CYP3A7: variants seen among roughly 807,000 people sequenced by gnomAD.
CYP3A7 encodes the protein cytochrome P450 3A7.
CYP3A7 carries 45 observed loss-of-function variants against 55.2 expected under a neutral mutation model. That is an observed-to-expected ratio of 0.82 (90% CI 0.64 to 1.05). CYP3A7 has a LOEUF of 1.05. Ranked by LOEUF, CYP3A7 falls within the 50% of genes least tolerant of loss-of-function variation. The probability of loss-of-function intolerance (pLI) is 0.00; values close to 1 mark genes in which losing one functional copy is unlikely to be tolerated. For missense variants in CYP3A7, 548 were observed against 605.3 expected (o/e 0.91, Z 0.99); for synonymous variants, 180 against 207.4 (o/e 0.87, Z 1.13).
chr7:99,715,696 A>G (rs978598313), intron 7 of CYP3A7, 62 bp downstream of exon 7: 7 of 1,611,356 alleles, frequency 4.3e-6, no homozygotes, highest in Admixed American at 1.7e-5. Context: ...GGTGATTTAC[A>G]TCTCAATAAA....
At position 99,713,511 on chromosome 7, in the gene CYP3A7, T is replaced by A. The variant is rs575168337; in HGVS notation, c.823A>T (p.Met275Leu). 2 of 1,613,410 alleles carry A rather than the reference T, an allele frequency of 1.2e-6. No homozygotes were observed. Among genetic ancestry groups the A allele is most frequent in the Non-Finnish European group, 1.7e-6 (2 of 1,179,550 alleles). Residue 275 changes from methionine (M) to leucine (L), a missense_variant, in exon 9 of 13, where the codon ATG becomes TTG. By Grantham distance (15) the Met-to-Leu change is conservative. Transcript: ENST00000336374. ...TCTTTTGAATTCTGAGAGTCAATCA[T>A]CAGCTGAAGGAAATCCACTCGGTGC... Reference protein sequence around the residue: ...QKHRVDFLQLMIDSQNSKDSE... With the variant: ...QKHRVDFLQLLIDSQNSKDSE...
intron 10 of CYP3A7, among the ~76,000 whole-genome samples, chr7:99,709,674 C>A (rs1813669664): frequency 6.6e-6 from 1 of 152,134 alleles, no homozygotes; most frequent in South Asian, 2.1e-4. Context: ...AAAGCAAATT[C>A]TCTGTGCGAC....
At chr7:99,717,357 C>T (rs1311906762) in intron 5 of CYP3A7, 92 bp from the exon 6 acceptor site, 1 of 1,605,758 alleles carries the variant, frequency 6.2e-7, no homozygotes, top group Non-Finnish European at 8.5e-7. Flanking sequence ...CAATAAGTGA[C>T]ATTGTATAAT....
intron 3 of CYP3A7, among the ~76,000 whole-genome samples, chr7:99,721,618 T>G (rs967252752): frequency 6.6e-6 from 1 of 152,152 alleles, no homozygotes; most frequent in African/African-American, 2.4e-5. Flanking sequence ...ACCACAATGG[T>G]CTCAGCCTAG....
At position 99,719,495 on chromosome 7, in the gene CYP3A7, A is replaced by G. The variant is rs376614904; in HGVS notation, c.318+818T>C. ...AACACAAAATAGATAGTAGAGTTAC[A>G]TTTAGTAAAGCATTAAACTTTATGA... On this transcript the variant is annotated intron_variant, in intron 4 of 12. Transcript: ENST00000336374. Among the ~76,000 whole-genome samples, 881 of 152,344 alleles carry G rather than the reference A, an allele frequency of 5.8e-3. 7 individuals are homozygous for G. The highest frequency in any genetic ancestry group is 0.018 in the African/African-American group (765 of 41,586).
intron 2 of CYP3A7, among the ~76,000 whole-genome samples, chr7:99,726,237 T>G (rs1056149180): frequency 1.3e-5 from 2 of 152,142 alleles, no homozygotes; most frequent in Non-Finnish European, 2.9e-5. Context: ...CTAATCACCC[T>G]TACCCAGCTT....
rs541926137 is a variant in CYP3A7, at chr7:99,719,546, A to C, written c.318+767T>G. ...CTTTTAGAAAAATTGGCAATATAGG[A>C]AGGAGGGCTAGGCAAAGAACTTTCA... On this transcript the variant is annotated intron_variant, in intron 4 of 12. Coordinates refer to ENST00000336374, the MANE Select transcript of CYP3A7 (RefSeq NM_000765.5). Among the ~76,000 whole-genome samples, 3 of 152,316 alleles carry C rather than the reference A, an allele frequency of 2.0e-5. No individual in the cohort carries two copies. The South Asian group carries it at 6.2e-4, about 32-fold the overall frequency.
chr7:99,714,711 G>T, intron 7 of CYP3A7, 29 bp from the exon 8 acceptor site: 1 of 1,604,430 alleles, frequency 6.2e-7, no homozygotes. Flanking sequence ...AACAGAAAAC[G>T]AAACCATTGT....
chr7:99,710,255 T>A (rs1194588009), intron 10 of CYP3A7, among the ~76,000 whole-genome samples: 1 of 152,134 alleles, frequency 6.6e-6, no homozygotes, highest in Non-Finnish European at 1.5e-5. Flanking sequence ...AGCTCAGAAG[T>A]CAGATACCCT....
chr7:99,730,923 C>A lies in CYP3A7; in HGVS notation c.165+136G>T, dbSNP rs45559433. 6,043 of 1,203,440 alleles carry A rather than the reference C, an allele frequency of 5.0e-3. 214 individuals are homozygous for A. The African/African-American group carries it at 0.08, about 16-fold the overall frequency. The allele number at this position is 1,203,440 out of a possible 1,614,324, so 74.5% of individuals were successfully genotyped here. A position where few individuals can be genotyped will look rare whatever the true frequency, so the allele number is the denominator to read the frequency against. ...GCCCCAGGGTAAACTTTGCCACGCT[C>A]TGGGTGATGCCTACACGCTATTTCT... On this transcript the variant is annotated intron_variant, in intron 2 of 12. Transcript: ENST00000336374.
chr7:99,706,770 A>G (rs1362862692), intron 12 of CYP3A7, among the ~76,000 whole-genome samples: 1 of 152,262 alleles, frequency 6.6e-6, no homozygotes, highest in Non-Finnish European at 1.5e-5. Context: ...ACATTAAAAA[A>G]CTTAATATTT....
At chr7:99,730,019 C>A (rs1563028738) in intron 2 of CYP3A7, among the ~76,000 whole-genome samples, 2 of 152,170 alleles carry the variant, frequency 1.3e-5, no homozygotes, top group Non-Finnish European at 2.9e-5. Context: ...CTTAGGAGAA[C>A]TAGAATCTGA....
chr7:99,726,185 C>T (rs914640728), intron 2 of CYP3A7, among the ~76,000 whole-genome samples: 3 of 152,154 alleles, frequency 2.0e-5, no homozygotes, highest in African/African-American at 7.2e-5. Flanking sequence ...TCTACTCCCT[C>T]CCTGGCAACT....
At chr7:99,728,423 T>G (rs1019919746) in intron 2 of CYP3A7, among the ~76,000 whole-genome samples, 2 of 152,168 alleles carry the variant, frequency 1.3e-5, no homozygotes, top group African/African-American at 4.8e-5. Context: ...ATGCTCTTTC[T>G]CATACCCAGT....
intron 7 of CYP3A7, chr7:99,715,554 G>T (rs1584511377): frequency 1.2e-6 from 1 of 866,958 alleles, no homozygotes; most frequent in Non-Finnish European, 1.7e-6. Context: ...CTGGCAGGGG[G>T]TTGATAGCTA....
intron 1 of CYP3A7, 39 bp downstream of exon 1, chr7:99,734,984 C>A: frequency 6.2e-7 from 1 of 1,613,668 alleles, no homozygotes; most frequent in Non-Finnish European, 8.5e-7. Context: ...CACCCCAAGT[C>A]CAAGGAAACA....
At chr7:99,707,736 T>C in intron 12 of CYP3A7, 76 bp downstream of exon 12, 1 of 1,584,434 alleles carries the variant, frequency 6.3e-7, no homozygotes, top group South Asian at 1.1e-5. Flanking sequence ...AGTGAGTGTA[T>C]TCTTTTTTAA....
chr7:99,710,696 AC>A (rs749343393), intron 10 of CYP3A7, 35 bp downstream of exon 10: 7 of 1,613,466 alleles, frequency 4.3e-6, no homozygotes, highest in Non-Finnish European at 5.9e-6. Flanking sequence ...CTAAGGCTTC[AC>A]CTCCTCCCTC....
rs577335757 is a variant in CYP3A7, at chr7:99,706,781, G to T, written c.1416+1031C>A. 2.0e-4 allele frequency among the ~76,000 whole-genome samples: 31 copies of T among 152,288 alleles called. No individual in the cohort carries two copies. In the East Asian group the frequency reaches 5.4e-3, roughly 27 times the overall value. ...GTTCACATTAAAAAACTTAATATTT[G>T]TATGCAAACCAATCGACTGCATATC... is the stretch of plus-strand genomic sequence containing the variant. On this transcript the variant is annotated intron_variant, in intron 12 of 12. Transcript: ENST00000336374.
Sources: allele counts gnomAD v4.1 joint callset (sites outside exome capture counted in the v4.1 genomes callset), GRCh38; gene constraint gnomAD v4.1.1; transcripts MANE v1.5; gene names NCBI Gene and HGNC (gene_info 2026-07-23, HGNC 2026-07-21).